UBE3C: variants seen among roughly 807,000 people sequenced by gnomAD.
The protein encoded by UBE3C is ubiquitin-protein ligase E3C.
Under a neutral mutation model 129.4 loss-of-function variants are expected in UBE3C, and 42 were observed. That is an observed-to-expected ratio of 0.32 (90% CI 0.25 to 0.42). The LOEUF is 0.42. UBE3C is among the 10% of genes least tolerant of loss of function. The pLI, the probability that UBE3C is intolerant of heterozygous loss-of-function variation, is 1.00. For synonymous variants in UBE3C, 510 were observed against 492.4 expected, an observed-to-expected ratio of 1.04 and a Z score of -0.47; for missense variants, 1,049 against 1,319.1, an observed-to-expected ratio of 0.80 and a Z score of 3.17.
intron 14 of UBE3C, among the ~76,000 whole-genome samples, chr7:157,219,583 A>G (rs760755389): frequency 6.6e-6 from 1 of 152,204 alleles, no homozygotes; most frequent in East Asian, 1.9e-4. Flanking sequence ...GGGAAATTTT[A>G]CAGGATGAAA....
intron 8 of UBE3C, among the ~76,000 whole-genome samples, chr7:157,182,747 T>C (rs1263698467): frequency 1.4e-5 from 2 of 145,282 alleles, no homozygotes; most frequent in African/African-American, 2.6e-5. Flanking sequence ...ACCAAACTTT[T>C]GGGGGTTGGG....
intron 18 of UBE3C, among the ~76,000 whole-genome samples, chr7:157,242,918 G>A (rs1278944542): frequency 6.6e-6 from 1 of 152,104 alleles, no homozygotes; most frequent in African/African-American, 2.4e-5. Flanking sequence ...AGCTGGGCGT[G>A]GTGGTGGTTG....
rs745338974 is a variant in UBE3C, at chr7:157,248,373, C to T, written c.2487C>T (p.Leu829=). The T allele has an allele frequency of 1.3e-5, 21 of 1,613,114 alleles. No individual in the cohort carries two copies. The South Asian group carries it at 2.1e-4, about 16-fold the overall frequency. Residue 829 remains leucine (L), a synonymous_variant, in exon 19 of 23, where the codon CTC becomes CTT. Transcript: ENST00000348165. ...GTCACTGTTCTCTTTTGAAGGCTCT[C>T]TATGAGAACATGCTGGTGGAGCTGC... ...YFLGRMLGKA[L]YENMLVELPF... is the part of the protein sequence containing the mutation.
intron 14 of UBE3C, among the ~76,000 whole-genome samples, chr7:157,219,917 A>T (rs1450485715): frequency 1.3e-5 from 2 of 149,892 alleles, no homozygotes; most frequent in Non-Finnish European, 2.9e-5. Flanking sequence ...AAAAAAAAAA[A>T]TTGCAAGGGC....
chr7:157,238,463 G>A (rs763281738), intron 18 of UBE3C, among the ~76,000 whole-genome samples: 1 of 152,164 alleles, frequency 6.6e-6, no homozygotes, highest in African/African-American at 2.4e-5. Context: ...TATTCAAGGA[G>A]ATTTGCTGAT....
intron 14 of UBE3C, among the ~76,000 whole-genome samples, chr7:157,220,243 G>A (rs1030566197): frequency 2.0e-5 from 3 of 151,946 alleles, no homozygotes; most frequent in Non-Finnish European, 4.4e-5. Flanking sequence ...CCAAAAATAA[G>A]GGATGAGAGG....
In UBE3C at chr7:157,183,905, T is replaced by C. The variant is rs1442859720; in HGVS notation, c.1019T>C (p.Val340Ala). 1 of 1,614,140 alleles carries C rather than the reference T, an allele frequency of 6.2e-7. No individual in the cohort carries two copies. The highest frequency in any genetic ancestry group is 2.2e-5 in the East Asian group (1 of 44,876). ...LGALSEEGLLVYLRVLQTFLS... is the reference protein window; with the variant it reads ...LGALSEEGLLAYLRVLQTFLS... Reference sequence around the variant, plus strand: ...GCCCTCTCTGAGGAAGGGCTGCTGGTGTATTTGCGGGTGCTGCAGACCTTC... The same window carrying C: ...GCCCTCTCTGAGGAAGGGCTGCTGGCGTATTTGCGGGTGCTGCAGACCTTC... Residue 340 changes from valine to alanine, a missense_variant, in exon 9 of 23, where the codon GTG (valine) becomes GCG (alanine). Physicochemically the swap from Val to Ala is moderately conservative, Grantham distance 64 (BLOSUM62 0). Around this residue, in one of 4 missense-constraint regions of UBE3C, gnomAD observed 489 missense variants for 513.8 expected, o/e 0.95. Coordinates refer to ENST00000348165, the MANE Select transcript of UBE3C (RefSeq NM_014671.3).
intron 11 of UBE3C, among the ~76,000 whole-genome samples, chr7:157,202,636 G>A (rs1809322626): frequency 6.6e-6 from 1 of 152,144 alleles, no homozygotes; most frequent in Non-Finnish European, 1.5e-5. Flanking sequence ...CAGCCTGGGT[G>A]AGAGCAAGAC....
In UBE3C at chr7:157,178,933, C is replaced by T. The variant is rs963784159; in HGVS notation, c.616+86C>T. 3.3e-6 allele frequency: 5 copies of T among 1,522,296 alleles called. No individual in the cohort carries two copies. The Admixed American group carries it at 9.0e-5, about 27-fold the overall frequency. The allele number at this position is 1,522,296 out of a possible 1,614,324, so 94.3% of individuals were successfully genotyped here. On this transcript the variant is annotated intron_variant, in intron 6 of 22. Coordinates refer to ENST00000348165, the MANE Select transcript of UBE3C (RefSeq NM_014671.3). ...CAGCCTGCTGCTGTGAGCCTGTGCC[C>T]TCAGTCTCAATGTCAGAGCGGTACT...
At chr7:157,195,205 G>A (rs1809084324) in intron 10 of UBE3C, among the ~76,000 whole-genome samples, 1 of 152,194 alleles carries the variant, frequency 6.6e-6, no homozygotes, top group African/African-American at 2.4e-5. Context: ...TTAGAGACGG[G>A]ATTTTCCAGG....
chr7:157,255,434 A>AT (rs1174194488), intron 21 of UBE3C, among the ~76,000 whole-genome samples: 1 of 152,236 alleles, frequency 6.6e-6, no homozygotes, highest in East Asian at 1.9e-4. Flanking sequence ...ATGCGTATGT[A>AT]TCTCTTATCT....
chr7:157,188,485 A>G (rs769509452), intron 10 of UBE3C, among the ~76,000 whole-genome samples: 1 of 152,314 alleles, frequency 6.6e-6, no homozygotes, highest in East Asian at 1.9e-4. Context: ...TGAGAGCAGG[A>G]TGTGAGATCT....
intron 10 of UBE3C, among the ~76,000 whole-genome samples, chr7:157,191,389 C>CAGGT (rs1375548046): frequency 1.3e-5 from 2 of 152,216 alleles, no homozygotes; most frequent in Non-Finnish European, 2.9e-5. Flanking sequence ...CTCCCAGGCT[C>CAGGT]AGGTGATCCT....
intron 5 of UBE3C, among the ~76,000 whole-genome samples, chr7:157,175,418 A>G (rs1018880412): frequency 1.3e-5 from 2 of 152,278 alleles, no homozygotes; most frequent in African/African-American, 4.8e-5. Flanking sequence ...CATCTTTAGA[A>G]TACACCTTTC....
At chr7:157,255,149 G>A (rs1185788564) in intron 21 of UBE3C, among the ~76,000 whole-genome samples, 2 of 151,092 alleles carry the variant, frequency 1.3e-5, no homozygotes, top group African/African-American at 2.5e-5. Context: ...CATACACAAC[G>A]TACATGGGCA....
intron 18 of UBE3C, among the ~76,000 whole-genome samples, chr7:157,232,587 A>G (rs1796050059): frequency 6.6e-6 from 1 of 152,326 alleles, no homozygotes; most frequent in Admixed American, 6.5e-5. Context: ...CCTGACCTCA[A>G]GTGGTCCACC....
intron 10 of UBE3C, among the ~76,000 whole-genome samples, chr7:157,195,101 A>G (rs1809080749): frequency 6.6e-6 from 1 of 152,206 alleles, no homozygotes. Context: ...CAGAAACATC[A>G]AAAGGTCTGA....
intron 1 of UBE3C, among the ~76,000 whole-genome samples, chr7:157,145,226 GC>G (rs1233416975): frequency 6.6e-6 from 1 of 151,822 alleles, no homozygotes; most frequent in Non-Finnish European, 1.5e-5. Flanking sequence ...GGGTGACAGA[GC>G]ATGACTCTGT....
intron 1 of UBE3C, among the ~76,000 whole-genome samples, chr7:157,143,470 G>A (rs946720093): frequency 2.0e-5 from 3 of 152,146 alleles, no homozygotes; most frequent in African/African-American, 7.2e-5. Flanking sequence ...CCAGGAGCTG[G>A]GTGCACTCCC....
Sources: allele counts gnomAD v4.1 joint callset (sites outside exome capture counted in the v4.1 genomes callset), GRCh38; gene constraint gnomAD v4.1.1; regional missense constraint gnomAD v4.1.1; transcripts MANE v1.5; gene names NCBI Gene and HGNC (gene_info 2026-07-23, HGNC 2026-07-21).